Variants in ELF1 observed in about 807,000 individuals in gnomAD.
The protein encoded by ELF1 is ETS-related transcription factor Elf-1.
ELF1 carries 24 observed loss-of-function variants against 59.9 expected under a neutral mutation model. That is an observed-to-expected ratio of 0.40 (90% CI 0.29 to 0.56). The LOEUF (loss-of-function observed/expected upper bound fraction) is 0.56, where lower values mean the gene tolerates loss of function less well. Ranked by LOEUF, ELF1 falls within the 20% of genes least tolerant of loss-of-function variation. The probability of loss-of-function intolerance (pLI) is 0.44; values close to 1 mark genes in which losing one functional copy is unlikely to be tolerated. For missense variants in ELF1, 627 were observed against 742.2 expected (o/e 0.84, Z 1.80); for synonymous variants, 248 against 266.2 (o/e 0.93, Z 0.67).
At chr13:40,934,989 T>C (rs1429470334) in intron 8 of ELF1, among the ~76,000 whole-genome samples, 1 of 152,212 alleles carries the variant, frequency 6.6e-6, no homozygotes, top group African/African-American at 2.4e-5. Context: ...TGGCTAAGCT[T>C]TGGAAAAATA....
At position 40,991,519 on chromosome 13, in the gene ELF1, C is replaced by T. The variant is rs559128878; in HGVS notation, c.-228-9237G>A. 4.6e-5 allele frequency among the ~76,000 whole-genome samples: 7 copies of T among 152,256 alleles called. No individual in the cohort carries two copies. The South Asian group carries it at 8.3e-4, about 18-fold the overall frequency. ...CTGGAACTCCTGGGCTCAAGTGATT[C>T]TCTCGCCTTAGTCTCCCAAAGTGCT... is the stretch of plus-strand genomic sequence containing the variant. On this transcript the variant is annotated intron_variant, in intron 1 of 8. Transcript: ENST00000239882.
chr13:40,993,097 G>A (rs998768548), intron 1 of ELF1: 1 of 1,607,288 alleles, frequency 6.2e-7, no homozygotes, highest in Non-Finnish European at 8.5e-7. Context: ...TGAGACCAGG[G>A]CAAGACTTCC....
At position 41,001,867 on chromosome 13, in the gene ELF1, T is replaced by C. The variant is rs537450823; in HGVS notation, c.-229+17361A>G. ...GCAGGGCAAAACAGCAAGACCTTGC[T>C]TCAAAGAAAAAAAAAAATGGGGATT... On this transcript the variant is annotated intron_variant, in intron 1 of 8. Coordinates refer to ENST00000239882, the MANE Select transcript of ELF1 (RefSeq NM_172373.4). 3.3e-5 allele frequency among the ~76,000 whole-genome samples: 5 copies of C among 152,012 alleles called. No individual in the cohort carries two copies. In the South Asian group the frequency reaches 1.0e-3, roughly 32 times the overall value.
chr13:41,003,365 A>G (rs553720579), intron 1 of ELF1, among the ~76,000 whole-genome samples: 99 of 152,338 alleles, frequency 6.5e-4, no homozygotes, highest in African/African-American at 2.3e-3. Context: ...TTAAATTCAT[A>G]TAGCTTCATA....
chr13:40,943,064 G>C lies in ELF1; in HGVS notation c.694C>G (p.Gln232Glu). ...AATTTAAAAATGCCTTTCTCTCGCT[G>C]GGTCCACTTGATGTATTTAGGACAA... The part of the protein sequence containing the change: ...ATCPKYIKWT[Q>E]REKGIFKLVD... The change falls in exon 7 of 9, where the codon CAG becomes GAG. Residue 232 changes from glutamine to glutamate, a missense_variant. Physicochemically the swap from Gln to Glu is conservative, Grantham distance 29 (BLOSUM62 2). This residue lies in a region of ELF1 where 34 missense variants were observed against 76.8 expected (regional missense o/e 0.44). Transcript: ENST00000239882. 2 of 1,613,052 alleles carry C rather than the reference G, an allele frequency of 1.2e-6. No individual in the cohort carries two copies. The highest frequency in any genetic ancestry group is 1.7e-6 in the Non-Finnish European group (2 of 1,179,392).
chr13:41,025,765 G>C (rs1029122360), intron 1 of ELF1, among the ~76,000 whole-genome samples: 1 of 152,206 alleles, frequency 6.6e-6, no homozygotes, highest in Non-Finnish European at 1.5e-5. Flanking sequence ...GAAGACAGAT[G>C]AATCTAGGAG....
At chr13:40,941,407 A>C (rs1566165552) in intron 7 of ELF1, 37 bp from the exon 8 acceptor site, 1 of 1,495,526 alleles carries the variant, frequency 6.7e-7, no homozygotes, top group Non-Finnish European at 9.0e-7. Flanking sequence ...TCAATCAAAC[A>C]TCAATTAAAA....
At position 41,058,067 on chromosome 13, in the gene ELF1, CAT is replaced by C. The variant is rs3834941; in HGVS notation, c.-229+2769_-229+2770del. Among the ~76,000 whole-genome samples the C allele has an allele frequency of 0.019, 2,840 of 152,278 alleles. 122 individuals carry two copies. In the East Asian group the frequency reaches 0.19, roughly 10 times the overall value. ...AAATGTACGGACACAAAATATTCTA[CAT>C]GTTTCTTTATTGTTTGAATCTTTTA... On this transcript the variant is annotated intron_variant, in intron 1 of 1. Coordinates refer to the ELF1 transcript ENST00000405737.
intron 1 of ELF1, among the ~76,000 whole-genome samples, chr13:41,047,880 A>C (rs1011470104): frequency 6.6e-6 from 1 of 152,180 alleles, no homozygotes; most frequent in Non-Finnish European, 1.5e-5. Context: ...CCAGAGGTGG[A>C]GTCTACAGAG....
chr13:40,987,982 A>G (rs538095364), intron 1 of ELF1, among the ~76,000 whole-genome samples: 1 of 152,368 alleles, frequency 6.6e-6, no homozygotes, highest in East Asian at 1.9e-4. Context: ...AAGTGAGAGA[A>G]AAGAAGTGAA....
chr13:41,016,509 T>C (rs1354991693), intron 1 of ELF1, among the ~76,000 whole-genome samples: 1 of 152,192 alleles, frequency 6.6e-6, no homozygotes, highest in Non-Finnish European at 1.5e-5. Context: ...ATAAGTGTAA[T>C]GTTAAAGCTT....
chr13:41,037,990 A>G (rs370800033), intron 1 of ELF1, among the ~76,000 whole-genome samples: 6 of 149,172 alleles, frequency 4.0e-5, no homozygotes, highest in East Asian at 2.0e-4. Context: ...TCCCCACTAT[A>G]TTTTTTCTCC....
At chr13:40,954,760 C>T (rs1871113592) in intron 3 of ELF1, among the ~76,000 whole-genome samples, 1 of 151,008 alleles carries the variant, frequency 6.6e-6, no homozygotes, top group African/African-American at 2.4e-5. Flanking sequence ...CTCAATGGTG[C>T]CCAGGCTGGA....
intron 2 of ELF1, among the ~76,000 whole-genome samples, chr13:40,973,124 A>T (rs984593110): frequency 9.2e-5 from 14 of 152,252 alleles, no homozygotes; most frequent in African/African-American, 3.4e-4. Flanking sequence ...AAATATAATA[A>T]ATCATTAAAC....
At chr13:40,964,755 G>A (rs999446078) in intron 2 of ELF1, among the ~76,000 whole-genome samples, 1 of 151,986 alleles carries the variant, frequency 6.6e-6, no homozygotes, top group Non-Finnish European at 1.5e-5. Context: ...GGCTGGTCTC[G>A]AACTCCTGAG....
At chr13:41,058,883 G>C (rs1156241169) in intron 1 of ELF1, among the ~76,000 whole-genome samples, 1 of 152,234 alleles carries the variant, frequency 6.6e-6, no homozygotes, top group South Asian at 2.1e-4. Context: ...TGAGGCACGA[G>C]AATAGCTTGA....
At chr13:41,003,623 C>T (rs1160002002) in intron 1 of ELF1, among the ~76,000 whole-genome samples, 2 of 151,922 alleles carry the variant, frequency 1.3e-5, no homozygotes, top group Non-Finnish European at 2.9e-5. Context: ...AACTTGGTGA[C>T]AACAGAAAAT....
chr13:40,985,896 T>C (rs753080914), intron 1 of ELF1, among the ~76,000 whole-genome samples: 2 of 152,138 alleles, frequency 1.3e-5, no homozygotes, highest in African/African-American at 4.8e-5. Context: ...TTTCAAAGTG[T>C]CAGTCTTTAT....
intron 1 of ELF1, among the ~76,000 whole-genome samples, chr13:41,051,174 G>A (rs927554169): frequency 6.6e-6 from 1 of 151,972 alleles, no homozygotes; most frequent in Non-Finnish European, 1.5e-5. Context: ...GCACTTTAAG[G>A]GACAGTAATA....
Sources: gnomAD v4.1 joint callset for allele counts (sites outside exome capture counted in the v4.1 genomes callset) on GRCh38, gnomAD v4.1.1 for gene constraint, gnomAD v4.1.1 regional missense constraint, MANE v1.5 for transcripts, NCBI Gene and HGNC (gene_info 2026-07-23, HGNC 2026-07-21) for gene names.